SCFD2: variants seen among roughly 807,000 people sequenced by gnomAD.
SCFD2 encodes sec1 family domain-containing protein 2.
In SCFD2, 54 loss-of-function variants were observed where a neutral mutation model predicts 58.9. The observed-to-expected ratio is 0.92, with a 90% CI of 0.74 to 1.15. The LOEUF is 1.15. Among genes scored for constraint, SCFD2 ranks in the 50% most tolerant of loss-of-function variants. The pLI, the probability that SCFD2 is intolerant of heterozygous loss-of-function variation, is 0.00. For missense variants in SCFD2, 805 were observed against 836.6 expected (o/e 0.96, Z 0.47); for synonymous variants, 321 against 335.9 (o/e 0.96, Z 0.49).
intron 2 of SCFD2, among the ~76,000 whole-genome samples, chr4:53,333,273 A>G (rs1016434930): frequency 4.7e-5 from 7 of 150,020 alleles, no homozygotes; most frequent in Non-Finnish European, 8.9e-5. Context: ...GGAACCAAAA[A>G]AGAGCCCGCC....
intron 4 of SCFD2, among the ~76,000 whole-genome samples, chr4:53,236,946 G>A (rs1729641988): frequency 6.6e-6 from 1 of 151,778 alleles, no homozygotes; most frequent in East Asian, 1.9e-4. Context: ...CTAAACAAGT[G>A]AACAAAGGTC....
chr4:53,095,768 C>T, intron 5 of SCFD2, among the ~76,000 whole-genome samples: 1 of 151,914 alleles, frequency 6.6e-6, no homozygotes, highest in Non-Finnish European at 1.5e-5. Flanking sequence ...ATGTGCACAA[C>T]GTGCAGATTT....
chr4:53,208,081 T>G (rs1245404910), intron 4 of SCFD2, among the ~76,000 whole-genome samples: 1 of 151,818 alleles, frequency 6.6e-6, no homozygotes, highest in Admixed American at 6.6e-5. Context: ...CTCAGCCTCC[T>G]GAGTAGCTGG....
At chr4:53,272,395 T>C (rs184655409) in intron 4 of SCFD2, among the ~76,000 whole-genome samples, 19 of 152,296 alleles carry the variant, frequency 1.2e-4, no homozygotes, top group Admixed American at 2.0e-4. Context: ...TAAAGACACA[T>C]GCACACGTAT....
intron 2 of SCFD2, among the ~76,000 whole-genome samples, chr4:53,343,238 C>T (rs1733942652): frequency 6.6e-6 from 1 of 151,964 alleles, no homozygotes; most frequent in Non-Finnish European, 1.5e-5. Context: ...AGAGAAGAAT[C>T]AAATAGATGT....
chr4:52,998,335 G>A (rs1297527763), intron 5 of SCFD2, among the ~76,000 whole-genome samples: 1 of 152,194 alleles, frequency 6.6e-6, no homozygotes, highest in Non-Finnish European at 1.5e-5. Flanking sequence ...AATACTGTAA[G>A]TACCAAACAA....
At chr4:53,075,779 T>C (rs1310730599) in intron 5 of SCFD2, among the ~76,000 whole-genome samples, 2 of 152,052 alleles carry the variant, frequency 1.3e-5, no homozygotes, top group African/African-American at 2.4e-5. Flanking sequence ...ATTATAATTG[T>C]AACAAAAAAG....
chr4:52,934,014 A>T (rs549302726), intron 5 of SCFD2, among the ~76,000 whole-genome samples: 2 of 152,332 alleles, frequency 1.3e-5, no homozygotes, highest in Admixed American at 1.3e-4. Flanking sequence ...CTCCAGAACC[A>T]TAAATGGAAT....
intron 3 of SCFD2, among the ~76,000 whole-genome samples, chr4:53,307,963 C>T (rs747856286): frequency 1.3e-5 from 2 of 152,150 alleles, no homozygotes; most frequent in Non-Finnish European, 2.9e-5. Flanking sequence ...CCTCTAGTTC[C>T]CCTTATTAGC....
intron 5 of SCFD2, among the ~76,000 whole-genome samples, chr4:53,130,057 T>C (rs1343056716): frequency 6.6e-6 from 1 of 152,212 alleles, no homozygotes; most frequent in African/African-American, 2.4e-5. Flanking sequence ...CTATACAATA[T>C]ATCCATGTAA....
chr4:53,048,117 G>A (rs576060858), intron 5 of SCFD2, among the ~76,000 whole-genome samples: 16 of 152,254 alleles, frequency 1.1e-4, no homozygotes, highest in African/African-American at 3.4e-4. Flanking sequence ...TTAGGAGGCC[G>A]AAGTGGGTGG....
At chr4:53,247,734 G>A (rs1274094272) in intron 4 of SCFD2, among the ~76,000 whole-genome samples, 1 of 149,078 alleles carries the variant, frequency 6.7e-6, no homozygotes, top group Non-Finnish European at 1.5e-5. Flanking sequence ...GGTGGCGGGC[G>A]CCTGTAGTCC....
chr4:53,255,798 G>C (rs1208791304), intron 4 of SCFD2, among the ~76,000 whole-genome samples: 1 of 150,998 alleles, frequency 6.6e-6, no homozygotes, highest in Non-Finnish European at 1.5e-5. Flanking sequence ...GCCGGGCAGA[G>C]GCGCCCCTCA....
chr4:53,274,032 C>G (rs1731257650), intron 3 of SCFD2, 31 bp from the exon 4 acceptor site: 1 of 1,570,210 alleles, frequency 6.4e-7, no homozygotes, highest in Non-Finnish European at 8.7e-7. Context: ...CAGTGTACCC[C>G]CTTCTGGGAA....
rs138420420 is a variant in SCFD2, at chr4:53,299,840, C to A, written c.1135+13796G>T. Among the ~76,000 whole-genome samples, 303 of 152,204 alleles carry A rather than the reference C, an allele frequency of 2.0e-3. 1 individual carries two copies. Among genetic ancestry groups the A allele is most frequent in the Non-Finnish European group, 2.2e-3 (149 of 68,004 alleles). ...TTTCAACCCAGAATTTCATATCCAGCCAAACTAAGCTTCATAAGTGAACGA... is the reference window on the plus strand; with the variant it reads ...TTTCAACCCAGAATTTCATATCCAGACAAACTAAGCTTCATAAGTGAACGA... On this transcript the variant is annotated intron_variant, in intron 3 of 8. Coordinates refer to ENST00000401642, the MANE Select transcript of SCFD2 (RefSeq NM_152540.4).
chr4:53,238,350 G>GC lies in SCFD2; in HGVS notation c.1311+35475_1311+35476insG, dbSNP rs1729750298. ...CCTGGACGGGGCGGCTGGCCGGGCG[G>GC]GGGCTGATGCCCCCACCTCCCTCCC... On this transcript the variant is annotated intron_variant, in intron 4 of 8. Transcript: ENST00000401642. Among the ~76,000 whole-genome samples, 5 of 124,324 alleles carry GC rather than the reference G, an allele frequency of 4.0e-5. No homozygotes were observed. In the South Asian group the frequency reaches 1.4e-3, roughly 36 times the overall value. The allele number at this position is 124,324 out of a possible 152,430, so 81.6% of individuals were successfully genotyped here.
At chr4:53,244,229 C>A (rs1490279954) in intron 4 of SCFD2, among the ~76,000 whole-genome samples, 1 of 152,034 alleles carries the variant, frequency 6.6e-6, no homozygotes, top group Non-Finnish European at 1.5e-5. Context: ...AACACTGGAC[C>A]AAATGGACCT....
intron 2 of SCFD2, among the ~76,000 whole-genome samples, chr4:53,331,034 A>C (rs956661687): frequency 6.6e-6 from 1 of 151,814 alleles, no homozygotes; most frequent in African/African-American, 2.4e-5. Flanking sequence ...TCAATTCAAC[A>C]AGAAGAGCTA....
At chr4:52,898,301 T>C (rs1010706870) in intron 7 of SCFD2, among the ~76,000 whole-genome samples, 217 of 152,350 alleles carry the variant, frequency 1.4e-3, no homozygotes, top group African/African-American at 5.0e-3. Flanking sequence ...GTGCTATAAA[T>C]TTTCCTCTAC....
Sources: allele counts gnomAD v4.1 joint callset (sites outside exome capture counted in the v4.1 genomes callset), GRCh38; gene constraint gnomAD v4.1.1; transcripts MANE v1.5; gene names NCBI Gene and HGNC (gene_info 2026-07-23, HGNC 2026-07-21).